The following ARHGAP5 variants were observed in gnomAD, a reference collection of about 807,000 sequenced individuals.
ARHGAP5 encodes rho GTPase-activating protein 5.
A neutral mutation model predicts 116.6 loss-of-function variants in ARHGAP5; 23 were observed. The ratio of observed to expected loss-of-function variants is 0.20; its 90% confidence interval spans 0.14 to 0.28. The LOEUF (loss-of-function observed/expected upper bound fraction) is 0.28, where lower values mean the gene tolerates loss of function less well. ARHGAP5 is among the 10% of genes least tolerant of loss of function. The pLI, the probability that ARHGAP5 is intolerant of heterozygous loss-of-function variation, is 1.00. For synonymous variants in ARHGAP5, 574 were observed against 602.0 expected (o/e 0.95, Z 0.68); for missense variants, 1,405 against 1,774.8 (o/e 0.79, Z 3.74).
intron 3 of ARHGAP5, among the ~76,000 whole-genome samples, chr14:32,140,087 G>GTTTTTTTTTTTTTTTT (rs1881028802): frequency 1.0e-4 from 3 of 29,848 alleles, no homozygotes; most frequent in East Asian, 6.7e-4. Context: ...TTTTTTTTAG[G>GTTTTTTTTTTTTTTTT]TTATTTGTTC....
Position 32,077,317 on chromosome 14 carries a change from G to A in ARHGAP5, c.-287G>A, listed in dbSNP as rs1161238803. The A allele has an allele frequency of 1.4e-6, 1 of 695,184 alleles. No individual in the cohort carries two copies. The highest frequency in any genetic ancestry group is 1.8e-5 in the African/African-American group (1 of 56,482). The allele number at this position is 695,184 out of a possible 1,614,324, so 43.1% of individuals were successfully genotyped here. On this transcript the variant is annotated 5_prime_UTR_variant, in exon 1 of 7. Coordinates refer to ENST00000345122, the MANE Select transcript of ARHGAP5 (RefSeq NM_001030055.2). ...GGTGAGCGCGCCGAGGAAGAGAGGCGAGCGGAGAGTGGAGGAGGAGGCGGC... is the reference window on the plus strand; with the variant it reads ...GGTGAGCGCGCCGAGGAAGAGAGGCAAGCGGAGAGTGGAGGAGGAGGCGGC...
At position 32,117,189 on chromosome 14, in the gene ARHGAP5, A is replaced by G; in HGVS notation, c.3767A>G (p.Glu1256Gly). ...AATCCACCAACACGTAGAAATTGGGAAAGTAATTACTTTGGGATGCCCCTC... is the reference window on the plus strand; with the variant it reads ...AATCCACCAACACGTAGAAATTGGGGAAGTAATTACTTTGGGATGCCCCTC... ...NFNPPTRRNW[E>G]SNYFGMPLQD... The change falls in exon 3 of 7, where the codon GAA becomes GGA. Residue 1256 changes from glutamate (E) to glycine (G), a missense_variant. Physicochemically the swap from Glu to Gly is moderately conservative, Grantham distance 98. Around this residue, in one of 6 missense-constraint regions of ARHGAP5, gnomAD observed 176 missense variants for 221.2 expected, o/e 0.80. Coordinates refer to ENST00000345122, the MANE Select transcript of ARHGAP5 (RefSeq NM_001030055.2). 2.5e-6 allele frequency: 4 copies of G among 1,612,132 alleles called. No individual in the cohort carries two copies. The highest frequency in any genetic ancestry group is 3.4e-6 in the Non-Finnish European group (4 of 1,178,948).
intron 2 of ARHGAP5, among the ~76,000 whole-genome samples, chr14:32,099,619 T>C (rs1291854807): frequency 6.6e-6 from 1 of 152,186 alleles, no homozygotes; most frequent in Non-Finnish European, 1.5e-5. Flanking sequence ...TAAATAGTAT[T>C]ATAACGTACA....
intron 2 of ARHGAP5, 42 bp downstream of exon 2, chr14:32,094,428 G>A (rs751630402): frequency 6.9e-7 from 1 of 1,439,470 alleles, no homozygotes; most frequent in African/African-American, 1.4e-5. Context: ...AAAAATGCTT[G>A]TTGTTACTTT....
At position 32,094,572 on chromosome 14, in the gene ARHGAP5, G is replaced by T. The variant is rs960573916; in HGVS notation, c.3717+186G>T. Among the ~76,000 whole-genome samples, 3 of 152,096 alleles carry T rather than the reference G, an allele frequency of 2.0e-5. No homozygotes were observed. In the South Asian group the frequency reaches 6.2e-4, roughly 32 times the overall value. On this transcript the variant is annotated intron_variant, in intron 2 of 6. Transcript: ENST00000345122. ...GTTATTTTTGTGCTTTATTGGGGTA[G>T]AGTTTGATTTCATATTCTTCAGCAT...
chr14:32,121,183 G>A (rs1271056131), intron 3 of ARHGAP5, among the ~76,000 whole-genome samples: 1 of 151,456 alleles, frequency 6.6e-6, no homozygotes, highest in Non-Finnish European at 1.5e-5. Flanking sequence ...ACCTTTTTTG[G>A]TTTTGGTAGA....
At chr14:32,082,799 C>CA (rs1424729105) in intron 1 of ARHGAP5, among the ~76,000 whole-genome samples, 3 of 152,216 alleles carry the variant, frequency 2.0e-5, no homozygotes, top group Non-Finnish European at 2.9e-5. Context: ...CTCTGCCTCT[C>CA]AAAGTGTTGA....
chr14:32,125,457 ATTCG>A (rs985723555), intron 3 of ARHGAP5, among the ~76,000 whole-genome samples: 1 of 152,206 alleles, frequency 6.6e-6, no homozygotes, highest in African/African-American at 2.4e-5. Flanking sequence ...GTGTACAACT[ATTCG>A]TTCAAGTACC....
At chr14:32,127,112 C>T (rs927497059) in intron 3 of ARHGAP5, among the ~76,000 whole-genome samples, 1 of 151,518 alleles carries the variant, frequency 6.6e-6, no homozygotes, top group Non-Finnish European at 1.5e-5. Context: ...ATTCTCCTGC[C>T]TCAGCCTCCC....
At chr14:32,098,702 A>G (rs1878648826) in intron 2 of ARHGAP5, among the ~76,000 whole-genome samples, 1 of 152,238 alleles carries the variant, frequency 6.6e-6, no homozygotes, top group South Asian at 2.1e-4. Flanking sequence ...AAACCGATGA[A>G]CATAGCCGTG....
At chr14:32,142,324 A>C (rs1881164999) in intron 3 of ARHGAP5, among the ~76,000 whole-genome samples, 1 of 152,166 alleles carries the variant, frequency 6.6e-6, no homozygotes, top group Admixed American at 6.5e-5. Context: ...CTTTTGTTGA[A>C]AATAAAGACA....
intron 3 of ARHGAP5, among the ~76,000 whole-genome samples, chr14:32,119,359 G>C (rs1670600793): frequency 6.6e-6 from 1 of 152,034 alleles, no homozygotes; most frequent in Non-Finnish European, 1.5e-5. Flanking sequence ...TAGATGTAGT[G>C]ATATAAATGA....
intron 2 of ARHGAP5, among the ~76,000 whole-genome samples, chr14:32,112,852 T>C (rs777263034): frequency 6.6e-6 from 1 of 151,058 alleles, no homozygotes; most frequent in Non-Finnish European, 1.5e-5. Flanking sequence ...GCCTGGGCAA[T>C]AGAACAAGAC....
rs776059767 is a variant in ARHGAP5, at chr14:32,093,872, A to G, written c.3203A>G (p.Lys1068Arg). 5 of 1,614,088 alleles carry G rather than the reference A, an allele frequency of 3.1e-6. No homozygotes were observed. In the Admixed American group the frequency reaches 5.0e-5, roughly 16 times the overall value. ...LLKTIEAGIG[K>R]NPRKQTSRVP... ...AAAACAATTGAAGCTGGTATTGGTA[A>G]AAATCCAAGAAAGCAGACTTCCCGG... The change falls in exon 2 of 7, where the codon AAA becomes AGA. Residue 1068 changes from lysine to arginine, a missense_variant. Lys to Arg is a conservative substitution (Grantham distance 26). Around this residue, in one of 6 missense-constraint regions of ARHGAP5, gnomAD observed 944 missense variants for 1,095.3 expected, o/e 0.86. Transcript: ENST00000345122.
chr14:32,119,158 C>A (rs1879752983), intron 3 of ARHGAP5, among the ~76,000 whole-genome samples: 1 of 151,956 alleles, frequency 6.6e-6, no homozygotes, highest in Non-Finnish European at 1.5e-5. Flanking sequence ...GCAGTTTTAG[C>A]AGAAATTCCT....
chr14:32,103,035 G>A (rs1174608204), intron 2 of ARHGAP5, among the ~76,000 whole-genome samples: 1 of 152,174 alleles, frequency 6.6e-6, no homozygotes, highest in Non-Finnish European at 1.5e-5. Flanking sequence ...CATCTGGAAA[G>A]AATTTACTTA....
At chr14:32,078,758 A>C (rs2138989700) in intron 1 of ARHGAP5, among the ~76,000 whole-genome samples, 1 of 152,288 alleles carries the variant, frequency 6.6e-6, no homozygotes. Flanking sequence ...TCTCCTAACA[A>C]AAATTTCATC....
At chr14:32,110,275 AG>A (rs1221836093) in intron 2 of ARHGAP5, among the ~76,000 whole-genome samples, 1 of 149,972 alleles carries the variant, frequency 6.7e-6, no homozygotes, top group Admixed American at 6.6e-5. Context: ...GCAGGGTAAG[AG>A]GAACAGAGTA....
chr14:32,144,449 C>T (rs531935704), intron 3 of ARHGAP5, among the ~76,000 whole-genome samples: 80 of 151,494 alleles, frequency 5.3e-4, no homozygotes, highest in African/African-American at 1.9e-3. Flanking sequence ...TGTATTTCTT[C>T]GTTATAAAAT....
Sources: gnomAD v4.1 joint callset for allele counts (sites outside exome capture counted in the v4.1 genomes callset) on GRCh38, gnomAD v4.1.1 for gene constraint, gnomAD v4.1.1 regional missense constraint, MANE v1.5 for transcripts, NCBI Gene and HGNC (gene_info 2026-07-23, HGNC 2026-07-21) for gene names.